LRBA: variants seen among roughly 807,000 people sequenced by gnomAD.
The protein encoded by LRBA is LPS responsive beige-like anchor protein.
LRBA carries 176 observed loss-of-function variants against 330.0 expected under a neutral mutation model. The observed-to-expected ratio is 0.53, with a 90% CI of 0.47 to 0.60. The LOEUF is 0.60. Among genes scored for constraint, LRBA ranks in the 20% least tolerant of loss-of-function variants. LRBA has a pLI of 0.00. For missense variants in LRBA, 3,259 were observed against 3,444.8 expected, an observed-to-expected ratio of 0.95 and a Z score of 1.35; for synonymous variants, 1,230 against 1,193.0, an observed-to-expected ratio of 1.03 and a Z score of -0.64.
chr4:150,374,029 C>A (rs1303333015), intron 47 of LRBA, among the ~76,000 whole-genome samples: 3 of 152,190 alleles, frequency 2.0e-5, no homozygotes, highest in Non-Finnish European at 4.4e-5. Flanking sequence ...CCTCTTCTTT[C>A]ATGGACACCA....
chr4:150,432,633 G>A (rs948216592), intron 46 of LRBA, among the ~76,000 whole-genome samples: 2 of 151,474 alleles, frequency 1.3e-5, no homozygotes, highest in African/African-American at 4.8e-5. Context: ...TTTTAGTAGA[G>A]ACGGAGTTTC....
chr4:150,843,587 C>CA (rs1204354253), intron 28 of LRBA, among the ~76,000 whole-genome samples: 1 of 152,146 alleles, frequency 6.6e-6, no homozygotes, highest in African/African-American at 2.4e-5. Context: ...CTTTTTATCA[C>CA]ATTAGTGTAC....
At chr4:150,323,025 G>GTGTGTGTGTGTGTGTGTGTGT (rs373782725) in intron 49 of LRBA, among the ~76,000 whole-genome samples, 19 of 142,526 alleles carry the variant, frequency 1.3e-4, no homozygotes, top group Non-Finnish European at 1.7e-4. Flanking sequence ...GTGTGTGTGT[G>GTGTGTGTGTGTGTGTGTGTGT]GGGATGCATT....
At chr4:150,861,895 T>C (rs1751989314) in intron 22 of LRBA, among the ~76,000 whole-genome samples, 1 of 151,662 alleles carries the variant, frequency 6.6e-6, no homozygotes, top group Non-Finnish European at 1.5e-5. Context: ...GCATGAGAAT[T>C]GCTTGAACCT....
At chr4:150,694,477 G>A (rs77974728) in intron 36 of LRBA, among the ~76,000 whole-genome samples, 104 of 19,970 alleles carry the variant, frequency 5.2e-3, no homozygotes, top group Non-Finnish European at 0.011. Context: ...AAAAAAAAAA[G>A]CTATCTACAG....
At chr4:150,647,352 CTTTTTTTTTTT>C (rs769403201) in intron 37 of LRBA, among the ~76,000 whole-genome samples, 1 of 79,798 alleles carries the variant, frequency 1.3e-5, no homozygotes, top group Non-Finnish European at 2.2e-5. Context: ...ATTACTTTTT[CTTTTTTTTTTT>C]TTTTTTTTTT....
intron 40 of LRBA, among the ~76,000 whole-genome samples, chr4:150,549,140 T>C (rs879150775): frequency 6.6e-6 from 1 of 152,024 alleles, no homozygotes; most frequent in Admixed American, 6.6e-5. Flanking sequence ...TTAAGCAACA[T>C]TTTAAGAACC....
intron 49 of LRBA, among the ~76,000 whole-genome samples, chr4:150,322,929 T>C (rs1465541202): frequency 3.3e-5 from 5 of 151,944 alleles, no homozygotes; most frequent in African/African-American, 9.7e-5. Context: ...ACCTGGTGTA[T>C]ATTATGGTTC....
chr4:150,488,807 C>T (rs1758205837), intron 41 of LRBA, among the ~76,000 whole-genome samples: 2 of 148,984 alleles, frequency 1.3e-5, no homozygotes, highest in South Asian at 4.2e-4. Flanking sequence ...ACTGGCATTG[C>T]CAACATGTTT....
chr4:150,917,174 T>A (rs552144344), intron 5 of LRBA, among the ~76,000 whole-genome samples: 3 of 151,840 alleles, frequency 2.0e-5, no homozygotes, highest in Non-Finnish European at 4.4e-5. Flanking sequence ...TATATATATA[T>A]CTGAAAGAAG....
intron 39 of LRBA, 54 bp downstream of exon 39, chr4:150,590,659 A>G: frequency 6.5e-7 from 1 of 1,530,062 alleles, no homozygotes; most frequent in Non-Finnish European, 9.0e-7. Context: ...GTAAGTAATT[A>G]TATGCTTATT....
At chr4:150,445,881 A>G (rs960677500) in intron 44 of LRBA, among the ~76,000 whole-genome samples, 4 of 152,150 alleles carry the variant, frequency 2.6e-5, no homozygotes, top group Non-Finnish European at 5.9e-5. Flanking sequence ...CTGGCCTCAA[A>G]CAATACTCCC....
chr4:150,905,195 T>C (rs1193147397), intron 13 of LRBA, among the ~76,000 whole-genome samples: 5 of 151,636 alleles, frequency 3.3e-5, no homozygotes, highest in Non-Finnish European at 7.4e-5. Flanking sequence ...GTTACAAAAC[T>C]GAAAAAAAAA....
intron 2 of LRBA, among the ~76,000 whole-genome samples, chr4:150,991,974 A>C (rs1345145352): frequency 2.0e-5 from 3 of 152,212 alleles, no homozygotes; most frequent in Non-Finnish European, 1.5e-5. Flanking sequence ...AGTCTGTCTC[A>C]GAGTGAGGCA....
intron 2 of LRBA, among the ~76,000 whole-genome samples, chr4:150,977,508 T>C (rs1030234813): frequency 6.6e-6 from 1 of 152,172 alleles, no homozygotes; most frequent in Admixed American, 6.5e-5. Flanking sequence ...ATCCAAGTAG[T>C]AAGCCATGGG....
At chr4:150,323,451 A>T (rs1353241566) in intron 49 of LRBA, among the ~76,000 whole-genome samples, 2 of 152,214 alleles carry the variant, frequency 1.3e-5, no homozygotes, top group Non-Finnish European at 2.9e-5. Context: ...GAATAGTTCC[A>T]ATGTTTATGC....
chr4:150,782,191 G>C (rs1368538761), intron 34 of LRBA, among the ~76,000 whole-genome samples: 1 of 152,180 alleles, frequency 6.6e-6, no homozygotes, highest in African/African-American at 2.4e-5. Flanking sequence ...TCAGGCGTGA[G>C]CCACTGCACC....
rs142325534 is a variant in LRBA at position 150,444,656 on chromosome 4, T to C, written c.6781-7792A>G. 1.9e-3 allele frequency among the ~76,000 whole-genome samples: 290 copies of C among 152,304 alleles called. 3 individuals carry two copies. The highest frequency in any genetic ancestry group is 4.1e-3 in the Admixed American group (63 of 15,294). ...CACCGTGGCTTTTAGAGTTAACAAA[T>C]AAGCACTTTTGTTGTCAAGTACCAG... On this transcript the variant is annotated intron_variant, in intron 44 of 56. Transcript: ENST00000651943.
chr4:150,668,959 G>A (rs11946802), intron 37 of LRBA, among the ~76,000 whole-genome samples: 2,805 of 152,194 alleles, frequency 0.018, 85 homozygotes, highest in African/African-American at 0.064. Flanking sequence ...GTGAGTAAAA[G>A]CCAGCCATGA....
Sources: gnomAD v4.1 joint callset for allele counts (sites outside exome capture counted in the v4.1 genomes callset) on GRCh38, gnomAD v4.1.1 for gene constraint, MANE v1.5 for transcripts, NCBI Gene and HGNC (gene_info 2026-07-23, HGNC 2026-07-21) for gene names.